SMU1: variants seen among roughly 807,000 people sequenced by gnomAD.
SMU1 encodes WD40 repeat-containing protein SMU1.
SMU1 carries 2 observed loss-of-function variants against 62.0 expected under a neutral mutation model. That is an observed-to-expected ratio of 0.03 (90% CI 0.01 to 0.10). The LOEUF is 0.10. SMU1 is among the 10% of genes least tolerant of loss of function. The probability of loss-of-function intolerance (pLI) is 1.00; values close to 1 mark genes in which losing one functional copy is unlikely to be tolerated. For missense variants in SMU1, 227 were observed against 622.1 expected, an observed-to-expected ratio of 0.36 and a Z score of 6.76; for synonymous variants, 188 against 212.4, an observed-to-expected ratio of 0.89 and a Z score of 1.00.
chr9:33,075,099 G>A (rs929848855), intron 1 of SMU1, among the ~76,000 whole-genome samples: 1 of 152,112 alleles, frequency 6.6e-6, no homozygotes, highest in Non-Finnish European at 1.5e-5. Context: ...ACTATAGGCC[G>A]GCCGCGGTGG....
chr9:33,053,444 G>A, intron 9 of SMU1, 154 bp from the exon 10 acceptor site: 1 of 245,292 alleles, frequency 4.1e-6, no homozygotes. Context: ...CAAATACCCA[G>A]CACTGCCATA....
chr9:33,063,670 A>T (rs1202405711), intron 4 of SMU1, among the ~76,000 whole-genome samples: 1 of 151,822 alleles, frequency 6.6e-6, no homozygotes, highest in African/African-American at 2.4e-5. Context: ...AGATTCTCAT[A>T]GGAGCATGAA....
intron 4 of SMU1, among the ~76,000 whole-genome samples, chr9:33,068,090 C>T (rs184129561): frequency 5.5e-4 from 83 of 152,222 alleles, no homozygotes; most frequent in Non-Finnish European, 1.0e-3. Flanking sequence ...TCTCTTAATC[C>T]TTACTCTCAA....
At chr9:33,076,468 G>A in intron 1 of SMU1, 115 bp downstream of exon 1, 3 of 1,282,230 alleles carry the variant, frequency 2.3e-6, no homozygotes, top group Non-Finnish European at 3.3e-6. Context: ...TGGGGGCAAG[G>A]AAATGGCCCT....
intron 10 of SMU1, among the ~76,000 whole-genome samples, chr9:33,051,677 T>A (rs1299805847): frequency 6.6e-6 from 1 of 152,136 alleles, no homozygotes; most frequent in Non-Finnish European, 1.5e-5. Flanking sequence ...AATGGAAAAC[T>A]GATCAGTAGT....
rs574045413 is a variant in SMU1 at position 33,076,520 on chromosome 9, C to G, written c.26+63G>C. The G allele has an allele frequency of 1.9e-6, 3 of 1,599,520 alleles. No homozygotes were observed. In the East Asian group the frequency reaches 6.7e-5, roughly 36 times the overall value. Reference sequence around the variant, plus strand: ...CGGATGCCTTCTCCCGAGTACCCTCCGCCCCACACCCTTAACCTCCAGGCC... The same window carrying G: ...CGGATGCCTTCTCCCGAGTACCCTCGGCCCCACACCCTTAACCTCCAGGCC... On this transcript the variant is annotated intron_variant, in intron 1 of 11. Transcript: ENST00000397149.
At chr9:33,057,877 G>C (rs1435249554) in intron 6 of SMU1, 163 bp from the exon 7 acceptor site, 1 of 261,206 alleles carries the variant, frequency 3.8e-6, no homozygotes, top group Non-Finnish European at 6.0e-6. Flanking sequence ...CTAGTTCCCA[G>C]TGATATTGCC....
intron 3 of SMU1, among the ~76,000 whole-genome samples, chr9:33,069,296 C>A (rs942390944): frequency 6.6e-6 from 1 of 152,166 alleles, no homozygotes; most frequent in Non-Finnish European, 1.5e-5. Flanking sequence ...ACCAAGAATT[C>A]TTTTATACTC....
chr9:33,056,347 T>C, intron 8 of SMU1, 108 bp from the exon 9 acceptor site: 1 of 1,157,684 alleles, frequency 8.6e-7, no homozygotes, highest in Non-Finnish European at 1.2e-6. Context: ...TGTTATAATA[T>C]TAAGTGAAGA....
At chr9:33,065,037 C>T (rs1839404978) in intron 4 of SMU1, among the ~76,000 whole-genome samples, 1 of 152,142 alleles carries the variant, frequency 6.6e-6, no homozygotes, top group Admixed American at 6.5e-5. Flanking sequence ...ACCACCACAC[C>T]CGGCCACATT....
chr9:33,049,764 CCACACA>C (rs61036431), intron 10 of SMU1, among the ~76,000 whole-genome samples: 1 of 148,400 alleles, frequency 6.7e-6, no homozygotes, highest in African/African-American at 2.5e-5. Context: ...GACCCCATTT[CCACACA>C]CACACACACA....
chr9:33,043,900 G>A lies in SMU1; in HGVS notation c.*3393C>T, dbSNP rs1275870073. ...TTACATAGCAAGGAAGGGCTCAACA[G>A]AGGCCGTTAGTGGTAGTAATAATAC... On this transcript the variant is annotated 3_prime_UTR_variant, in exon 12 of 12. Transcript: ENST00000397149. The A allele has an allele frequency of 6.7e-6, 1 of 150,074 alleles. No individual in the cohort carries two copies. Among genetic ancestry groups the A allele is most frequent in the African/African-American group, 2.5e-5 (1 of 40,724 alleles). The allele number at this position is 150,074 out of a possible 1,614,324, so 9.3% of individuals were successfully genotyped here. A position where few individuals can be genotyped will look rare whatever the true frequency, so the allele number is the denominator to read the frequency against.
chr9:33,076,328 C>T (rs775266008), intron 1 of SMU1, among the ~76,000 whole-genome samples: 9 of 152,198 alleles, frequency 5.9e-5, no homozygotes, highest in Non-Finnish European at 1.3e-4. Flanking sequence ...CGGCCAAGGA[C>T]AGAACTTAGG....
At chr9:33,057,337 G>C (rs1839314283) in intron 7 of SMU1, among the ~76,000 whole-genome samples, 1 of 152,038 alleles carries the variant, frequency 6.6e-6, no homozygotes, top group African/African-American at 2.4e-5. Context: ...AGCAAGCCAG[G>C]GTGGTACAAT....
chr9:33,055,991 G>T, intron 9 of SMU1, 122 bp downstream of exon 9: 2 of 994,382 alleles, frequency 2.0e-6, no homozygotes, highest in Non-Finnish European at 2.8e-6. Context: ...CTCAATTACA[G>T]CTAAAATAGC....
chr9:33,074,453 A>C (rs532197419), intron 1 of SMU1, among the ~76,000 whole-genome samples: 2,270 of 149,934 alleles, frequency 0.015, 18 homozygotes, highest in African/African-American at 0.027. Flanking sequence ...CACACACAAA[A>C]AAAAAAATTA....
intron 9 of SMU1, among the ~76,000 whole-genome samples, chr9:33,054,710 C>T (rs1322635018): frequency 2.6e-5 from 4 of 152,194 alleles, no homozygotes; most frequent in Non-Finnish European, 4.4e-5. Flanking sequence ...TCCTCTGTGC[C>T]TTCCATGGAG....
intron 4 of SMU1, among the ~76,000 whole-genome samples, chr9:33,067,452 G>A (rs891805788): frequency 4.0e-5 from 6 of 151,370 alleles, no homozygotes; most frequent in Non-Finnish European, 5.9e-5. Flanking sequence ...CTACTTAAAC[G>A]ATGCACTGCT....
intron 4 of SMU1, among the ~76,000 whole-genome samples, chr9:33,065,716 A>G (rs117625822): frequency 2.2e-3 from 334 of 152,308 alleles, no homozygotes; most frequent in Non-Finnish European, 4.2e-3. Context: ...GGGCAATATT[A>G]AAGTCTGCAT....
Sources: gnomAD v4.1 joint callset for allele counts (sites outside exome capture counted in the v4.1 genomes callset) on GRCh38, gnomAD v4.1.1 for gene constraint, MANE v1.5 for transcripts, NCBI Gene and HGNC (gene_info 2026-07-23, HGNC 2026-07-21) for gene names.